The following GAB1 variants were observed in gnomAD, a reference collection of about 807,000 sequenced individuals.
GAB1 encodes the protein GRB2 associated binding protein 1, also known as GRB2-associated-binding protein 1.
In GAB1, 19 loss-of-function variants were observed where a neutral mutation model predicts 66.5. The observed-to-expected ratio is 0.29, with a 90% CI of 0.20 to 0.42. GAB1 has a LOEUF of 0.42. Among genes scored for constraint, GAB1 ranks in the 10% least tolerant of loss-of-function variants. The pLI is 1.00. For synonymous variants in GAB1, 294 were observed against 301.4 expected (o/e 0.98, Z 0.25); for missense variants, 732 against 858.5 (o/e 0.85, Z 1.84).
intron 6 of GAB1, among the ~76,000 whole-genome samples, chr4:143,454,987 A>G (rs1484258328): frequency 6.6e-6 from 1 of 152,054 alleles, no homozygotes; most frequent in East Asian, 1.9e-4. Context: ...ATAGGTTTTA[A>G]AAGACCCTCC....
At chr4:143,347,724 C>G (rs1729036068) in intron 1 of GAB1, among the ~76,000 whole-genome samples, 1 of 152,214 alleles carries the variant, frequency 6.6e-6, no homozygotes, top group East Asian at 1.9e-4. Flanking sequence ...GTGAGACATT[C>G]TGGTAGAAGA....
chr4:143,456,219 A>T (rs1228681113), intron 6 of GAB1, among the ~76,000 whole-genome samples: 1 of 152,182 alleles, frequency 6.6e-6, no homozygotes, highest in Non-Finnish European at 1.5e-5. Flanking sequence ...GCACTTTGGG[A>T]GGCCAAGGCG....
chr4:143,406,312 A>G (rs78110667), intron 1 of GAB1, among the ~76,000 whole-genome samples: 3,804 of 152,190 alleles, frequency 0.025, 66 homozygotes, highest in African/African-American at 0.05. Flanking sequence ...TAATGGCTCA[A>G]TGACTGTGGA....
At chr4:143,415,357 AC>A in intron 1 of GAB1, 119 bp from the exon 2 acceptor site, 1 of 773,544 alleles carries the variant, frequency 1.3e-6, no homozygotes, top group South Asian at 2.0e-5. Context: ...ACACACAAAC[AC>A]ACACATATTG....
intron 1 of GAB1, among the ~76,000 whole-genome samples, chr4:143,379,365 T>C (rs13116594): frequency 0.06 from 9,163 of 152,198 alleles, 336 homozygotes; most frequent in African/African-American, 0.11. Flanking sequence ...TTTGCAAGTG[T>C]CTCCTGCCTT....
At chr4:143,374,434 C>T (rs536197081) in intron 1 of GAB1, among the ~76,000 whole-genome samples, 2 of 152,316 alleles carry the variant, frequency 1.3e-5, no homozygotes, top group South Asian at 4.1e-4. Context: ...TAAATCCCAT[C>T]TGGTGCACAC....
chr4:143,337,858 A>C (rs1334684483), intron 1 of GAB1, among the ~76,000 whole-genome samples: 1 of 152,174 alleles, frequency 6.6e-6, no homozygotes, highest in African/African-American at 2.4e-5. Flanking sequence ...AGCAGGGTTC[A>C]CATTTTCGCG....
rs28925874 is a variant in GAB1, at chr4:143,402,078, C to T, written c.73-13399C>T. ...TGCAGGGTTTTTTTTTTCTCTTTAA[C>T]AGCTGCTAGAATTTTAAGATTTCTT... On this transcript the variant is annotated intron_variant, in intron 1 of 9. Transcript: ENST00000262994. Among the ~76,000 whole-genome samples, 1,401 of 151,670 alleles carry T rather than the reference C, an allele frequency of 9.2e-3. 24 individuals carry two copies. The highest frequency in any genetic ancestry group is 0.032 in the African/African-American group (1,316 of 41,348).
intron 3 of GAB1, 58 bp downstream of exon 3, chr4:143,433,774 C>A: frequency 1.5e-6 from 2 of 1,336,378 alleles, no homozygotes; most frequent in Non-Finnish European, 2.1e-6. Context: ...TGTGTACACA[C>A]TGAGATTCTT....
intron 8 of GAB1, among the ~76,000 whole-genome samples, chr4:143,461,601 G>A (rs1735496178): frequency 1.3e-5 from 2 of 152,190 alleles, no homozygotes; most frequent in South Asian, 4.1e-4. Flanking sequence ...GCCACACTTA[G>A]ACACAAAGGA....
intron 1 of GAB1, among the ~76,000 whole-genome samples, chr4:143,389,504 C>A (rs1377387799): frequency 6.6e-6 from 1 of 152,206 alleles, no homozygotes; most frequent in African/African-American, 2.4e-5. Flanking sequence ...TGCTTCCAGA[C>A]CCCTCTGACC....
chr4:143,404,737 G>A (rs921486140), intron 1 of GAB1, among the ~76,000 whole-genome samples: 13 of 152,178 alleles, frequency 8.5e-5, no homozygotes, highest in Non-Finnish European at 1.3e-4. Context: ...GCAACAGAGC[G>A]AGACACTGTT....
chr4:143,396,093 G>T, intron 1 of GAB1: 1 of 416,550 alleles, frequency 2.4e-6, no homozygotes, highest in Non-Finnish European at 4.8e-6. Context: ...GATAAAGGTA[G>T]TTGGTGAGGT....
At chr4:143,467,286 C>T (rs1191958951) in intron 9 of GAB1, among the ~76,000 whole-genome samples, 1 of 152,144 alleles carries the variant, frequency 6.6e-6, no homozygotes, top group Non-Finnish European at 1.5e-5. Context: ...AATGTCTTTT[C>T]TGACTGGATG....
chr4:143,403,641 T>C (rs1731891542), intron 1 of GAB1, among the ~76,000 whole-genome samples: 1 of 152,212 alleles, frequency 6.6e-6, no homozygotes, highest in Non-Finnish European at 1.5e-5. Context: ...GAGGAAGATG[T>C]CATTATTGGC....
chr4:143,400,445 A>G (rs753981680), intron 1 of GAB1, among the ~76,000 whole-genome samples: 3 of 152,206 alleles, frequency 2.0e-5, no homozygotes, highest in Non-Finnish European at 2.9e-5. Context: ...ATTATTCCTT[A>G]TAACAGCTCA....
intron 1 of GAB1, among the ~76,000 whole-genome samples, chr4:143,387,683 G>T (rs1730981821): frequency 1.3e-5 from 2 of 151,994 alleles, no homozygotes; most frequent in African/African-American, 4.8e-5. Context: ...CTTCTTACGG[G>T]TCTCCCTGCC....
intron 1 of GAB1, among the ~76,000 whole-genome samples, chr4:143,415,057 A>AT (rs1162529204): frequency 5.9e-5 from 9 of 152,258 alleles, no homozygotes; most frequent in Middle Eastern, 3.4e-3. Flanking sequence ...ACTACCTCAT[A>AT]TAAGTGGAAT....
At chr4:143,464,954 TA>T (rs369697774) in intron 8 of GAB1, among the ~76,000 whole-genome samples, 223 of 152,346 alleles carry the variant, frequency 1.5e-3, no homozygotes, top group Non-Finnish European at 2.1e-3. Context: ...TTATTCATCA[TA>T]ACATGTATAA....
Sources: allele counts gnomAD v4.1 joint callset (sites outside exome capture counted in the v4.1 genomes callset), GRCh38; gene constraint gnomAD v4.1.1; transcripts MANE v1.5; gene names NCBI Gene and HGNC (gene_info 2026-07-23, HGNC 2026-07-21).